Variants in CHKA observed in about 807,000 individuals in gnomAD.
The protein encoded by CHKA is CHETK-alpha.
In CHKA, 34 loss-of-function variants were observed where a neutral mutation model predicts 60.1. The ratio of observed to expected loss-of-function variants is 0.57; its 90% confidence interval spans 0.43 to 0.75. CHKA has a LOEUF of 0.75. CHKA is among the 30% of genes least tolerant of loss of function. CHKA has a pLI of 0.00. For synonymous variants in CHKA, 217 were observed against 223.1 expected (o/e 0.97, Z 0.24); for missense variants, 563 against 561.3 (o/e 1.00, Z -0.03).
chr11:68,120,910 T>C lies in CHKA; in HGVS notation c.268A>G (p.Arg90Gly). 1 of 1,237,374 alleles carries C rather than the reference T, an allele frequency of 8.1e-7. No homozygotes were observed. Among genetic ancestry groups the C allele is most frequent in the Non-Finnish European group, 1.0e-6 (1 of 980,758 alleles). 76.6% of individuals were successfully genotyped at this position (1,237,374 alleles called of 1,614,324 possible). ...AACTCCTTGCACCACAGATAGGCCC[T>C]GCGCCGCGTCCGGGGCTCCGGCTGC... ...DEQPEPRTRRRAYLWCKEFLP... is the reference protein window; with the variant it reads ...DEQPEPRTRRGAYLWCKEFLP... Residue 90 changes from arginine (R) to glycine (G), a missense_variant, in exon 1 of 12, where the codon AGG becomes GGG. Transcript: ENST00000265689.
At chr11:68,069,062 T>C (rs1408846805) in intron 6 of CHKA, 125 bp from the exon 7 acceptor site, 1 of 658,654 alleles carries the variant, frequency 1.5e-6, no homozygotes, top group Non-Finnish European at 2.7e-6. Flanking sequence ...GAGTAGTATC[T>C]GTGATGTGAA....
intron 1 of CHKA, among the ~76,000 whole-genome samples, chr11:68,118,469 T>C (rs1335777666): frequency 6.6e-6 from 1 of 151,974 alleles, no homozygotes; most frequent in African/African-American, 2.4e-5. Flanking sequence ...CAGAATCAGA[T>C]TGGGAAATGT....
intron 1 of CHKA, among the ~76,000 whole-genome samples, chr11:68,104,652 C>A (rs1234244285): frequency 5.9e-5 from 9 of 151,914 alleles, no homozygotes; most frequent in Admixed American, 2.6e-4. Context: ...GAACTCCTGA[C>A]CTCAAGTGAT....
Position 68,081,465 on chromosome 11 carries a change from T to C in CHKA, c.463-8A>G, listed in dbSNP as rs1856985298. The C allele has an allele frequency of 6.2e-7, 1 of 1,611,228 alleles. No individual in the cohort carries two copies. Among genetic ancestry groups the C allele is most frequent in the Non-Finnish European group, 8.5e-7 (1 of 1,177,638 alleles). ...CTCTTTATTACAGGACCTCTATGAA[T>C]GAGAAAAAGGAAACACTTCTGGTGA... On this transcript the variant is annotated splice_region_variant and splice_polypyrimidine_tract_variant and intron_variant, in intron 2 of 11. Coordinates refer to ENST00000265689, the MANE Select transcript of CHKA (RefSeq NM_001277.3).
At chr11:68,110,795 C>T (rs1252367612) in intron 1 of CHKA, among the ~76,000 whole-genome samples, 1 of 151,302 alleles carries the variant, frequency 6.6e-6, no homozygotes, top group African/African-American at 2.4e-5. Flanking sequence ...GTCAGGAGTT[C>T]CGAGACCAGC....
chr11:68,108,820 CAGTTTACTGG>C (rs1308706139), intron 1 of CHKA, among the ~76,000 whole-genome samples: 1 of 152,192 alleles, frequency 6.6e-6, no homozygotes, highest in Non-Finnish European at 1.5e-5. Context: ...CAGAGAATCA[CAGTTTACTGG>C]AGCAAAATCC....
chr11:68,111,767 G>C (rs1220748071), intron 1 of CHKA, among the ~76,000 whole-genome samples: 1 of 151,480 alleles, frequency 6.6e-6, no homozygotes. Flanking sequence ...AATGGTCCTG[G>C]AACATGCCCG....
At chr11:68,061,930 A>G (rs1286533851) in intron 11 of CHKA, 23 bp downstream of exon 11, 1 of 1,518,480 alleles carries the variant, frequency 6.6e-7, no homozygotes, top group Non-Finnish European at 8.9e-7. Context: ...AAAAAAAAAA[A>G]CAAAAACGCT....
At chr11:68,112,340 T>A in intron 1 of CHKA, among the ~76,000 whole-genome samples, 1 of 152,080 alleles carries the variant, frequency 6.6e-6, no homozygotes. Context: ...CACTGCAACC[T>A]CCGCCTCCCG....
At chr11:68,074,868 G>A in intron 3 of CHKA, 38 bp from the exon 4 acceptor site, 1 of 1,596,932 alleles carries the variant, frequency 6.3e-7, no homozygotes, top group South Asian at 1.1e-5. Flanking sequence ...TTTACTGAGT[G>A]TTTGCTAAGC....
chr11:68,070,458 G>T (rs144163974), intron 5 of CHKA, among the ~76,000 whole-genome samples, 165 bp from the exon 6 acceptor site: 2 of 152,246 alleles, frequency 1.3e-5, no homozygotes, highest in African/African-American at 4.8e-5. Context: ...TGGCCTTGGG[G>T]GTTCGTGGCA....
intron 10 of CHKA, 104 bp downstream of exon 10, chr11:68,064,417 AAAAG>A: frequency 1.8e-6 from 1 of 568,598 alleles, no homozygotes; most frequent in Admixed American, 4.2e-5. Flanking sequence ...CAAAAAAAAA[AAAAG>A]AAGAAGAAGC....
At position 68,121,152 on chromosome 11, in the gene CHKA, C is replaced by T. The variant is rs937487423; in HGVS notation, c.26G>A (p.Gly9Asp). 3.3e-6 allele frequency: 4 copies of T among 1,207,958 alleles called. No individual in the cohort carries two copies. The highest frequency in any genetic ancestry group is 8.5e-5 in the Admixed American group (2 of 23,580). 74.8% of individuals were successfully genotyped at this position (1,207,958 alleles called of 1,614,324 possible). A position where few individuals can be genotyped will look rare whatever the true frequency, so the allele number is the denominator to read the frequency against. ...CCCGAGCGGCGAGGGCTCCGCCTCGCCCCCGGTGCAGAATTTGGTTTTCAT... is the reference window on the plus strand; with the variant it reads ...CCCGAGCGGCGAGGGCTCCGCCTCGTCCCCGGTGCAGAATTTGGTTTTCAT... Reference protein sequence around the residue: MKTKFCTGGEAEPSPLGLL... With the variant: MKTKFCTGDEAEPSPLGLL... Residue 9 changes from glycine (G) to aspartate (D), a missense_variant, in exon 1 of 12, where the codon GGC becomes GAC. By Grantham distance (94) the Gly-to-Asp change is moderately conservative. Coordinates refer to ENST00000265689, the MANE Select transcript of CHKA (RefSeq NM_001277.3).
In CHKA at chr11:68,121,108, T is replaced by C. The variant is rs1858630403; in HGVS notation, c.70A>G (p.Ser24Gly). The C allele has an allele frequency of 5.1e-6, 6 of 1,167,428 alleles. No homozygotes were observed. Among genetic ancestry groups the C allele is most frequent in the Non-Finnish European group, 6.3e-6 (6 of 945,236 alleles). The allele number at this position is 1,167,428 out of a possible 1,614,324, so 72.3% of individuals were successfully genotyped here. A position where few individuals can be genotyped will look rare whatever the true frequency, so the allele number is the denominator to read the frequency against. The change falls in exon 1 of 12, where the codon AGC becomes GGC. Residue 24 changes from serine (S) to glycine (G), a missense_variant. Coordinates refer to ENST00000265689, the MANE Select transcript of CHKA (RefSeq NM_001277.3). ...SPLGLLLSCG[S>G]GSAAPAPGVG... ...CCGGGCGCCGGGGCCGCGCTGCCGC[T>C]ACCGCAGCTCAGCAGCAGCCCGAGC...
chr11:68,079,406 T>C (rs1190797517), intron 3 of CHKA, among the ~76,000 whole-genome samples: 3 of 151,976 alleles, frequency 2.0e-5, no homozygotes, highest in Non-Finnish European at 2.9e-5. Context: ...CTCGGCTCAC[T>C]GCAAGCTCTG....
At chr11:68,116,330 T>A (rs921040892) in intron 1 of CHKA, among the ~76,000 whole-genome samples, 3 of 152,124 alleles carry the variant, frequency 2.0e-5, no homozygotes, top group African/African-American at 4.8e-5. Context: ...CCCTGCTCTT[T>A]GGGCGGAGGC....
At chr11:68,087,251 G>C (rs1275217566) in intron 2 of CHKA, among the ~76,000 whole-genome samples, 1 of 152,112 alleles carries the variant, frequency 6.6e-6, no homozygotes, top group African/African-American at 2.4e-5. Context: ...AGGTTGAGGG[G>C]GGCGGATCAT....
At chr11:68,099,882 C>A (rs1857647100) in intron 1 of CHKA, among the ~76,000 whole-genome samples, 1 of 152,224 alleles carries the variant, frequency 6.6e-6, no homozygotes, top group South Asian at 2.1e-4. Context: ...AGAAGGAAGG[C>A]AGACTAGCTT....
intron 1 of CHKA, among the ~76,000 whole-genome samples, chr11:68,109,742 A>C (rs1858063915): frequency 6.6e-6 from 1 of 152,190 alleles, no homozygotes; most frequent in South Asian, 2.1e-4. Context: ...ACTTGAGGTC[A>C]GGAGTTCAAG....
Sources: gnomAD v4.1 joint callset for allele counts (sites outside exome capture counted in the v4.1 genomes callset) on GRCh38, gnomAD v4.1.1 for gene constraint, MANE v1.5 for transcripts, NCBI Gene and HGNC (gene_info 2026-07-23, HGNC 2026-07-21) for gene names.